Variants in FLRT2 observed in about 807,000 individuals in gnomAD.
FLRT2 encodes the protein leucine-rich repeat transmembrane protein FLRT2.
Under a neutral mutation model 40.0 loss-of-function variants are expected in FLRT2, and 15 were observed. That is an observed-to-expected ratio of 0.38 (90% CI 0.25 to 0.58). The LOEUF (loss-of-function observed/expected upper bound fraction) is 0.58, where lower values mean the gene tolerates loss of function less well. Ranked by LOEUF, FLRT2 falls within the 20% of genes least tolerant of loss-of-function variation. The pLI, the probability that FLRT2 is intolerant of heterozygous loss-of-function variation, is 0.71. For missense variants in FLRT2, 726 were observed against 840.0 expected, an observed-to-expected ratio of 0.86 and a Z score of 1.68; for synonymous variants, 380 against 336.8, an observed-to-expected ratio of 1.13 and a Z score of -1.41.
intron 1 of FLRT2, among the ~76,000 whole-genome samples, chr14:85,570,068 C>A (rs1890816012): frequency 6.6e-6 from 1 of 152,144 alleles, no homozygotes; most frequent in Non-Finnish European, 1.5e-5. Flanking sequence ...GACTGTGTAT[C>A]TCCACCATTC....
chr14:85,532,951 G>A (rs893577675), intron 1 of FLRT2, among the ~76,000 whole-genome samples: 2 of 152,220 alleles, frequency 1.3e-5, no homozygotes, highest in Non-Finnish European at 2.9e-5. Context: ...AGGACTGGTG[G>A]TAGGAACGGC....
At chr14:85,610,150 T>G (rs921739956) in intron 1 of FLRT2, among the ~76,000 whole-genome samples, 2 of 152,188 alleles carry the variant, frequency 1.3e-5, no homozygotes, top group African/African-American at 4.8e-5. Context: ...AAGACCTTGT[T>G]TAGTCAAAGC....
In FLRT2 at chr14:85,622,181, G is replaced by A. The variant is rs201758646; in HGVS notation, c.667G>A (p.Glu223Lys). 1.3e-5 allele frequency: 21 copies of A among 1,614,076 alleles called. No individual in the cohort carries two copies. The highest frequency in any genetic ancestry group is 8.9e-5 in the East Asian group (4 of 44,864). Residue 223 changes from glutamate (E) to lysine (K), a missense_variant, in exon 2 of 2, where the codon GAG (glutamate) becomes AAG (lysine). Glu to Lys is a moderately conservative substitution (Grantham distance 56). This residue lies in a region of FLRT2 where 611 missense variants were observed against 690.0 expected (regional missense o/e 0.89). Coordinates refer to ENST00000330753, the MANE Select transcript of FLRT2 (RefSeq NM_013231.6). ...GNLLTNKGIA[E>K]GTFSHLTKLK... ...CCTCCTGACCAACAAGGGTATCGCC[G>A]AGGGCACCTTCAGCCATCTCACCAA...
chr14:85,577,112 G>C (rs1004237077), intron 1 of FLRT2, among the ~76,000 whole-genome samples: 2 of 152,102 alleles, frequency 1.3e-5, no homozygotes, highest in Non-Finnish European at 1.5e-5. Context: ...TGCGGTTTTC[G>C]CTTGGGGTTG....
At chr14:85,540,227 C>A (rs1420472185) in intron 1 of FLRT2, among the ~76,000 whole-genome samples, 1 of 152,080 alleles carries the variant, frequency 6.6e-6, no homozygotes. Flanking sequence ...CAGGCTAGTG[C>A]AAAAGGGACA....
chr14:85,560,602 A>G (rs936607345), intron 1 of FLRT2, among the ~76,000 whole-genome samples: 1 of 151,832 alleles, frequency 6.6e-6, no homozygotes, highest in Non-Finnish European at 1.5e-5. Context: ...AATAAATAAA[A>G]GAAATAAATA....
In FLRT2 at chr14:85,650,610, A is replaced by G. The variant is rs1894409947; in HGVS notation, c.*27113A>G. ...GTAAAATGTGAGTTTCCACTTTCAC[A>G]TGCTTGCCATTTCCTATTGCAAAAC... On this transcript the variant is annotated 3_prime_UTR_variant, in exon 2 of 2. Transcript: ENST00000330753. The G allele has an allele frequency of 6.6e-6, 1 of 152,072 alleles. No homozygotes were observed. The highest frequency in any genetic ancestry group is 1.5e-5 in the Non-Finnish European group (1 of 67,968). The allele number at this position is 152,072 out of a possible 1,614,324, so 9.4% of individuals were successfully genotyped here.
rs1894473987 is a variant in FLRT2, at chr14:85,653,120, G to A, written c.*29623G>A. On this transcript the variant is annotated 3_prime_UTR_variant, in exon 2 of 2. Transcript: ENST00000330753. ...TCCAGACATTTATAATTATGCATCT[G>A]AAGTCAGAACACCTTTTCTTTTTAA... 6.6e-6 allele frequency: 1 copy of A among 152,208 alleles called. No homozygotes were observed. The highest frequency in any genetic ancestry group is 1.9e-4 in the East Asian group (1 of 5,198). 9.4% of individuals were successfully genotyped at this position (152,208 alleles called of 1,614,324 possible).
Position 85,616,755 on chromosome 14 carries a change from A to G in FLRT2, c.-376-4384A>G, listed in dbSNP as rs368615499. 1.9e-4 allele frequency among the ~76,000 whole-genome samples: 29 copies of G among 152,234 alleles called. 1 individual carries two copies. In the East Asian group the frequency reaches 4.6e-3, roughly 24 times the overall value. Reference sequence around the variant, plus strand: ...TAGGGTTAAGAACTCTTTACATAGAACCCTAATTCCCTGCCTACTCATTTT... The same window carrying G: ...TAGGGTTAAGAACTCTTTACATAGAGCCCTAATTCCCTGCCTACTCATTTT... On this transcript the variant is annotated intron_variant, in intron 1 of 1. Coordinates refer to ENST00000330753, the MANE Select transcript of FLRT2 (RefSeq NM_013231.6).
chr14:85,554,439 T>C (rs548321051), intron 1 of FLRT2, among the ~76,000 whole-genome samples: 2 of 152,352 alleles, frequency 1.3e-5, no homozygotes, highest in South Asian at 4.1e-4. Context: ...ATTTTCATTG[T>C]CTTTAAGTGC....
intron 1 of FLRT2, among the ~76,000 whole-genome samples, chr14:85,561,603 C>T (rs1183503441): frequency 6.6e-6 from 1 of 152,172 alleles, no homozygotes; most frequent in African/African-American, 2.4e-5. Flanking sequence ...GATGGCAAGG[C>T]ATCCTGATGC....
In FLRT2 at chr14:85,637,902, G is replaced by T. The variant is rs767041277; in HGVS notation, c.*14405G>T. 3.9e-5 allele frequency: 6 copies of T among 152,120 alleles called. No homozygotes were observed. Among genetic ancestry groups the T allele is most frequent in the Non-Finnish European group, 5.9e-5 (4 of 68,022 alleles). The allele number at this position is 152,120 out of a possible 1,614,324, so 9.4% of individuals were successfully genotyped here. On this transcript the variant is annotated 3_prime_UTR_variant, in exon 2 of 2. Transcript: ENST00000330753. ...CCCATATAGTAGTGTCATTTAAAGG[G>T]AATTTAAATTCTCTCTTGTCCTTAC...
intron 1 of FLRT2, among the ~76,000 whole-genome samples, chr14:85,597,245 TGAAGA>T: frequency 6.6e-6 from 1 of 151,864 alleles, no homozygotes; most frequent in South Asian, 2.1e-4. Context: ...GAGAGAAAGA[TGAAGA>T]GAAATATAAG....
chr14:85,605,664 G>A (rs903666015), intron 1 of FLRT2, among the ~76,000 whole-genome samples: 3 of 152,002 alleles, frequency 2.0e-5, no homozygotes, highest in Non-Finnish European at 2.9e-5. Context: ...CAGCTACTCG[G>A]GAGGCTGAAG....
intron 1 of FLRT2, among the ~76,000 whole-genome samples, chr14:85,568,648 C>T (rs749556604): frequency 4.6e-5 from 7 of 152,034 alleles, no homozygotes; most frequent in Non-Finnish European, 8.8e-5. Flanking sequence ...TCATGAACTT[C>T]TTCAGGGACT....
chr14:85,537,125 G>GT (rs1888707253), intron 1 of FLRT2, among the ~76,000 whole-genome samples: 1 of 152,132 alleles, frequency 6.6e-6, no homozygotes, highest in Non-Finnish European at 1.5e-5. Flanking sequence ...TGTGAGAAGA[G>GT]TATTTATAAA....
intron 1 of FLRT2, among the ~76,000 whole-genome samples, chr14:85,543,573 A>G (rs908656968): frequency 1.3e-5 from 2 of 151,976 alleles, no homozygotes; most frequent in Non-Finnish European, 2.9e-5. Flanking sequence ...TTAGAAACCT[A>G]TATCTTTGGA....
chr14:85,531,832 A>G (rs573320791), intron 1 of FLRT2, among the ~76,000 whole-genome samples: 1 of 152,316 alleles, frequency 6.6e-6, no homozygotes, highest in East Asian at 1.9e-4. Flanking sequence ...CAACAGGAAC[A>G]GCGACCCGCG....
chr14:85,612,046 A>G (rs1462030175), intron 1 of FLRT2, among the ~76,000 whole-genome samples: 2 of 118,214 alleles, frequency 1.7e-5, no homozygotes, highest in Non-Finnish European at 3.5e-5. Context: ...CTGAGTCAGA[A>G]TGTAACTTAC....
Sources: gnomAD v4.1 joint callset for allele counts (sites outside exome capture counted in the v4.1 genomes callset) on GRCh38, gnomAD v4.1.1 for gene constraint, gnomAD v4.1.1 regional missense constraint, MANE v1.5 for transcripts, NCBI Gene and HGNC (gene_info 2026-07-23, HGNC 2026-07-21) for gene names.